SPATS1: variants seen among roughly 807,000 people sequenced by gnomAD.
SPATS1 encodes spermatogenesis associated serine rich 1.
A neutral mutation model predicts 33.6 loss-of-function variants in SPATS1; 23 were observed. That is an observed-to-expected ratio of 0.68 (90% CI 0.49 to 0.97). The LOEUF is 0.97. SPATS1 is among the 50% of genes least tolerant of loss of function. The probability of loss-of-function intolerance (pLI) is 0.00; values close to 1 mark genes in which losing one functional copy is unlikely to be tolerated. For missense variants in SPATS1, 327 were observed against 361.0 expected (o/e 0.91, Z 0.76); for synonymous variants, 131 against 125.6 (o/e 1.04, Z -0.29).
intron 2 of SPATS1, 43 bp downstream of exon 2, chr6:44,343,277 T>G: frequency 2.0e-6 from 3 of 1,504,882 alleles, no homozygotes; most frequent in Non-Finnish European, 2.7e-6. Context: ...GGTGGCCACA[T>G]CCAAGTATAC....
chr6:44,369,268 C>T (rs368462712), intron 6 of SPATS1, among the ~76,000 whole-genome samples: 6 of 152,078 alleles, frequency 3.9e-5, no homozygotes, highest in Non-Finnish European at 5.9e-5. Context: ...GTGGGCCGGG[C>T]GCGGTGGCTC....
In SPATS1 at chr6:44,362,560, A is replaced by G. The variant is rs553011025; in HGVS notation, c.574+568A>G. Among the ~76,000 whole-genome samples the G allele has an allele frequency of 5.5e-4, 84 of 152,336 alleles. 1 individual carries two copies. The highest frequency in any genetic ancestry group is 2.0e-3 in the African/African-American group (83 of 41,574). On this transcript the variant is annotated intron_variant, in intron 5 of 8. Transcript: ENST00000674044. Reference sequence around the variant, plus strand: ...AGACCCTCAAAAGTTGCTGAGTACCAACTGACCATTTATGACACATTTTTC... The same window carrying G: ...AGACCCTCAAAAGTTGCTGAGTACCGACTGACCATTTATGACACATTTTTC...
chr6:44,364,934 C>T (rs981798697), intron 5 of SPATS1, among the ~76,000 whole-genome samples: 20 of 152,162 alleles, frequency 1.3e-4, no homozygotes, highest in African/African-American at 4.6e-4. Context: ...GGATTACAGG[C>T]ATGTGCCACC....
intron 7 of SPATS1, among the ~76,000 whole-genome samples, chr6:44,372,962 C>G (rs1028714104): frequency 2.0e-5 from 3 of 152,162 alleles, no homozygotes; most frequent in African/African-American, 7.2e-5. Flanking sequence ...GGAGTCTTCA[C>G]TTTAGTTGGT....
rs867233914 is a variant in SPATS1, at chr6:44,366,127, A to T, written c.575-2252A>T. On this transcript the variant is annotated intron_variant, in intron 5 of 8. Coordinates refer to ENST00000674044, the MANE Select transcript of SPATS1 (RefSeq NM_001372081.1). ...TACCATAGTCTATATATATATATAT[A>T]TTTTTTTTTTTTTTGAGACAGAGTT... Among the ~76,000 whole-genome samples, 1,268 of 141,438 alleles carry T rather than the reference A, an allele frequency of 9.0e-3. 19 individuals are homozygous for T. The highest frequency in any genetic ancestry group is 0.03 in the African/African-American group (1,156 of 38,550). The allele number at this position is 141,438 out of a possible 152,430, so 92.8% of individuals were successfully genotyped here.
chr6:44,343,505 C>T, intron 2 of SPATS1: 1 of 550,576 alleles, frequency 1.8e-6, no homozygotes, highest in South Asian at 1.5e-5. Flanking sequence ...TAAAGGGAGC[C>T]AGAGATTTGA....
At chr6:44,352,392 C>G (rs1289647840) in intron 2 of SPATS1, among the ~76,000 whole-genome samples, 1 of 152,020 alleles carries the variant, frequency 6.6e-6, no homozygotes, top group Non-Finnish European at 1.5e-5. Flanking sequence ...CTGATCCACC[C>G]ACCTTGGCCT....
intron 6 of SPATS1, among the ~76,000 whole-genome samples, chr6:44,369,057 T>C (rs1035316695): frequency 5.3e-5 from 8 of 151,948 alleles, no homozygotes; most frequent in African/African-American, 1.9e-4. Context: ...CCACCACACC[T>C]GGGTAATTTT....
chr6:44,357,185 T>G (rs1474792136), intron 3 of SPATS1, among the ~76,000 whole-genome samples: 1 of 152,202 alleles, frequency 6.6e-6, no homozygotes, highest in African/African-American at 2.4e-5. Flanking sequence ...AATTTCTTCA[T>G]TTCCCTGATG....
chr6:44,362,178 A>G (rs979294722), intron 5 of SPATS1, among the ~76,000 whole-genome samples, 186 bp downstream of exon 5: 1 of 152,226 alleles, frequency 6.6e-6, no homozygotes, highest in Non-Finnish European at 1.5e-5. Context: ...AAGAGCTCAC[A>G]GCAGATGCTA....
At chr6:44,359,089 T>C (rs1291928382) in intron 3 of SPATS1, among the ~76,000 whole-genome samples, 1 of 152,006 alleles carries the variant, frequency 6.6e-6, no homozygotes, top group African/African-American at 2.4e-5. Flanking sequence ...GCCTCCCAAG[T>C]AGCTAGAACT....
chr6:44,376,978 G>A, intron 8 of SPATS1, 57 bp from the exon 9 acceptor site: 1 of 1,604,710 alleles, frequency 6.2e-7, no homozygotes, highest in Non-Finnish European at 8.5e-7. Flanking sequence ...TGTATTGATT[G>A]AGAATTGTTA....
Position 44,361,891 on chromosome 6 carries a change from A to G in SPATS1, c.473A>G (p.Tyr158Cys). 1 of 1,614,242 alleles carries G rather than the reference A, an allele frequency of 6.2e-7. No individual in the cohort carries two copies. Among genetic ancestry groups the G allele is most frequent in the Non-Finnish European group, 8.5e-7 (1 of 1,180,048 alleles). Residue 158 changes from tyrosine (Y) to cysteine (C), a missense_variant, in exon 5 of 9, where the codon TAC becomes TGC. Physicochemically the swap from Tyr to Cys is radical, Grantham distance 194. Coordinates refer to ENST00000674044, the MANE Select transcript of SPATS1 (RefSeq NM_001372081.1). The part of the protein sequence containing the change: ...YPRFSSNIHT[Y>C]HVGKQCFFNG... ...AGGTTTAGCAGCAACATCCACACCT[A>G]CCACGTCGGAAAGCAGTGCTTCTTT...
intron 2 of SPATS1, among the ~76,000 whole-genome samples, chr6:44,351,349 T>C (rs899429262): frequency 3.9e-5 from 6 of 152,186 alleles, no homozygotes; most frequent in Admixed American, 2.6e-4. Flanking sequence ...TGGATTTTTG[T>C]AATTTTTGTA....
chr6:44,375,982 T>C (rs1315134660), intron 7 of SPATS1, among the ~76,000 whole-genome samples: 2 of 151,952 alleles, frequency 1.3e-5, no homozygotes, highest in Admixed American at 6.6e-5. Flanking sequence ...GGCATGTGCC[T>C]ATAGTCCCAG....
At chr6:44,376,849 G>T (rs1789993493) in intron 8 of SPATS1, among the ~76,000 whole-genome samples, 186 bp from the exon 9 acceptor site, 1 of 152,172 alleles carries the variant, frequency 6.6e-6, no homozygotes, top group Non-Finnish European at 1.5e-5. Context: ...CAGAGAACAG[G>T]ATTTTGAGAG....
In SPATS1 at chr6:44,379,052, T is replaced by G. The variant is rs561038707; in HGVS notation, c.*1989T>G. 6.6e-6 allele frequency: 1 copy of G among 152,298 alleles called. No homozygotes were observed. Among genetic ancestry groups the G allele is most frequent in the East Asian group, 1.9e-4 (1 of 5,184 alleles). The allele number at this position is 152,298 out of a possible 1,614,324, so 9.4% of individuals were successfully genotyped here. A position where few individuals can be genotyped will look rare whatever the true frequency, so the allele number is the denominator to read the frequency against. ...CATTAACTTCTGAAAAGATAATAAT[T>G]TTTTGTGCCTCTATTACTTAAATGT... On this transcript the variant is annotated 3_prime_UTR_variant, in exon 9 of 9. Transcript: ENST00000674044.
intron 7 of SPATS1, among the ~76,000 whole-genome samples, chr6:44,372,431 TTTG>T (rs1311030790): frequency 1.3e-5 from 2 of 151,378 alleles, no homozygotes; most frequent in Admixed American, 1.3e-4. Context: ...GTATTTGGAT[TTTG>T]TTGTCTTTTT....
intron 6 of SPATS1, among the ~76,000 whole-genome samples, chr6:44,368,935 C>T (rs1394942512): frequency 2.0e-5 from 3 of 148,762 alleles, no homozygotes; most frequent in South Asian, 2.1e-4. Flanking sequence ...CTCGCTCCGT[C>T]GCCCTGGCTG....
Sources: gnomAD v4.1 joint callset for allele counts (sites outside exome capture counted in the v4.1 genomes callset) on GRCh38, gnomAD v4.1.1 for gene constraint, MANE v1.5 for transcripts, NCBI Gene and HGNC (gene_info 2026-07-23, HGNC 2026-07-21) for gene names.